YWHAZ: variants seen among roughly 807,000 people sequenced by gnomAD.
YWHAZ encodes 14-3-3 protein zeta/delta.
For synonymous variants in YWHAZ, 87 were observed against 103.6 expected, an observed-to-expected ratio of 0.84 and a Z score of 0.97; for missense variants, 79 against 284.8, an observed-to-expected ratio of 0.28 and a Z score of 5.20.
rs567011069 is a variant in YWHAZ, at chr8:100,931,718, G to A, written c.295-6679C>T. ...ATTCACAGCTCCCAACCGAGAGTAG[G>A]CATTCTACTCACTGGTTGCTCAGTT... On this transcript the variant is annotated intron_variant, in intron 2 of 5. Coordinates refer to ENST00000395958, the MANE Select transcript of YWHAZ (RefSeq NM_145690.3). Among the ~76,000 whole-genome samples, 3 of 152,076 alleles carry A rather than the reference G, an allele frequency of 2.0e-5. No homozygotes were observed. In the South Asian group the frequency reaches 6.2e-4, roughly 32 times the overall value.
chr8:100,937,689 TGAAG>T (rs1814255367), intron 2 of YWHAZ, among the ~76,000 whole-genome samples: 1 of 152,060 alleles, frequency 6.6e-6, no homozygotes, highest in Non-Finnish European at 1.5e-5. Flanking sequence ...AAACAACAAA[TGAAG>T]AGAGAGACAT....
At chr8:100,949,682 T>C (rs983583) in intron 1 of YWHAZ, among the ~76,000 whole-genome samples, 99,757 of 152,062 alleles carry the variant, frequency 0.66, 33,265 homozygotes, top group African/African-American at 0.79. Context: ...ACTTAATTTA[T>C]AAGTGTTTCC....
Position 100,948,707 on chromosome 8 carries a change from G to A in YWHAZ, c.183C>T (p.Val61=), listed in dbSNP as rs1321598530. ...VVGARRSSWR[V]VSSIEQKTEG... ...CCGTCTTTTGTTCAATACTTGAGAC[G>A]ACCCTCCAAGATGACCTACGGGCTC... The change falls in exon 2 of 6, where the codon GTC becomes GTT. Residue 61 remains valine (V), a synonymous_variant. Transcript: ENST00000395958. This position sits in a 1 kb window ranked among gnomAD's most constrained non-coding sequence, Gnocchi z 4.2. 2 of 1,601,406 alleles carry A rather than the reference G, an allele frequency of 1.2e-6. No individual in the cohort carries two copies. Among genetic ancestry groups the A allele is most frequent in the South Asian group, 1.1e-5 (1 of 90,968 alleles).
intron 2 of YWHAZ, chr8:100,935,191 CACAT>C (rs1412938905): frequency 1.3e-5 from 2 of 152,136 alleles, no homozygotes; most frequent in Admixed American, 1.3e-4. Flanking sequence ...ACTTTTCACA[CACAT>C]ATATACTCTT....
At chr8:100,938,523 T>A (rs1814363598) in intron 2 of YWHAZ, among the ~76,000 whole-genome samples, 1 of 152,228 alleles carries the variant, frequency 6.6e-6, no homozygotes, top group Non-Finnish European at 1.5e-5. Flanking sequence ...AATGTCATTT[T>A]AATAACATCC....
At chr8:100,947,417 CA>C (rs899419517) in intron 2 of YWHAZ, among the ~76,000 whole-genome samples, 1 of 151,908 alleles carries the variant, frequency 6.6e-6, no homozygotes, top group African/African-American at 2.4e-5. Context: ...AAGCAAAGAA[CA>C]AAAAAATGCC....
At chr8:100,951,420 G>A in intron 1 of YWHAZ, 1 of 981,618 alleles carries the variant, frequency 1.0e-6, no homozygotes, top group East Asian at 1.1e-4. Flanking sequence ...GGGAAAGGAG[G>A]GGGCGGCCGA....
At chr8:100,928,856 T>A (rs986752905) in intron 2 of YWHAZ, among the ~76,000 whole-genome samples, 1 of 151,766 alleles carries the variant, frequency 6.6e-6, no homozygotes, top group Non-Finnish European at 1.5e-5. Context: ...ACTGTCAGGA[T>A]AATGGAAAGA....
intron 2 of YWHAZ, among the ~76,000 whole-genome samples, chr8:100,943,903 C>T (rs981688423): frequency 1.3e-5 from 2 of 148,550 alleles, no homozygotes; most frequent in Non-Finnish European, 3.0e-5. Context: ...AGGAGAATGG[C>T]GTGAGCCCGG....
rs1189592281 is a variant in YWHAZ at position 100,925,006 on chromosome 8, A to G, written c.328T>C (p.Ser110Pro). The stretch of plus-strand genomic sequence containing the variant: ...TAGAAGACTTTGCTCTCTGCTTGTG[A>G]AGCATTGGGGATCAAGAACTTTTCC... ...LLEKFLIPNASQAESKVFYLK... is the reference protein window; with the variant it reads ...LLEKFLIPNAPQAESKVFYLK... Residue 110 changes from serine (S) to proline (P), a missense_variant, in exon 3 of 6, where the codon TCA (serine) becomes CCA (proline). Ser to Pro is a moderately conservative substitution (Grantham distance 74). Transcript: ENST00000395958. 6.2e-7 allele frequency: 1 copy of G among 1,613,906 alleles called. No homozygotes were observed.
At chr8:100,947,574 C>T (rs1372311111) in intron 2 of YWHAZ, among the ~76,000 whole-genome samples, 1 of 152,112 alleles carries the variant, frequency 6.6e-6, no homozygotes, top group African/African-American at 2.4e-5. Flanking sequence ...TTAGTAAATA[C>T]AAATGTAAAG....
Position 100,948,122 on chromosome 8 carries a change from G to T in YWHAZ, c.294+474C>A, listed in dbSNP as rs1810443983. Reference sequence around the variant, plus strand: ...AAGAGGTTTCATAGTTGTGACGCCAGAGTTTTCTGCATGGTTGACTCATTA... The same window carrying T: ...AAGAGGTTTCATAGTTGTGACGCCATAGTTTTCTGCATGGTTGACTCATTA... On this transcript the variant is annotated intron_variant, in intron 2 of 5. Coordinates refer to ENST00000395958, the MANE Select transcript of YWHAZ (RefSeq NM_145690.3). The surrounding 1 kb of genome is among the most constrained non-coding windows in gnomAD (Gnocchi z 4.2). 6.5e-7 allele frequency: 1 copy of T among 1,534,676 alleles called. No homozygotes were observed. The highest frequency in any genetic ancestry group is 8.7e-7 in the Non-Finnish European group (1 of 1,146,534).
chr8:100,929,983 T>TAA (rs1007211445), intron 2 of YWHAZ, among the ~76,000 whole-genome samples: 1 of 152,170 alleles, frequency 6.6e-6, no homozygotes, highest in Non-Finnish European at 1.5e-5. Flanking sequence ...ATAAACCTCC[T>TAA]AAATTTCGTT....
In YWHAZ at chr8:100,916,678, C is replaced by T. The variant is rs950859871; in HGVS notation, c.*4015G>A. 6.6e-6 allele frequency: 1 copy of T among 152,234 alleles called. No individual in the cohort carries two copies. Among genetic ancestry groups the T allele is most frequent in the African/African-American group, 2.4e-5 (1 of 41,464 alleles). 9.4% of individuals were successfully genotyped at this position (152,234 alleles called of 1,614,324 possible). ...GAACTCAAATATGATCAAATATTCA[C>T]ATCTCTGGTATCACCTAGGATTGGC... On this transcript the variant is annotated 3_prime_UTR_variant, in exon 6 of 6. Transcript: ENST00000395958.
In YWHAZ at chr8:100,918,408, T is replaced by TTATTTATATATA. The variant is rs1554611373; in HGVS notation, c.*2284_*2285insTATATATAAATA. On this transcript the variant is annotated 3_prime_UTR_variant, in exon 6 of 6. Coordinates refer to ENST00000395958, the MANE Select transcript of YWHAZ (RefSeq NM_145690.3). ...AGTCTAGCTATAAAATATAATTACT[T>TTATTTATATATA]TATATATATATATATATATATATAT... 9.6e-5 allele frequency: 4 copies of TTATTTATATATA among 41,882 alleles called. No individual in the cohort carries two copies. Among genetic ancestry groups the TTATTTATATATA allele is most frequent in the African/African-American group, 2.8e-4 (4 of 14,100 alleles). 2.6% of individuals were successfully genotyped at this position (41,882 alleles called of 1,614,324 possible). A position where few individuals can be genotyped will look rare whatever the true frequency, so the allele number is the denominator to read the frequency against.
At chr8:100,932,607 ATT>A (rs1319395610) in intron 2 of YWHAZ, among the ~76,000 whole-genome samples, 2 of 152,192 alleles carry the variant, frequency 1.3e-5, no homozygotes, top group Non-Finnish European at 2.9e-5. Context: ...CAAAAATATC[ATT>A]TTCCCTTAAA....
At position 100,924,512 on chromosome 8, in the gene YWHAZ, A is replaced by G. The variant is rs1813228955; in HGVS notation, c.419-214T>C. ...AATGTCAAGATAAAACAACTTTATA[A>G]TCTCATTATTGTTATGTTTTTAAAA... On this transcript the variant is annotated intron_variant, in intron 3 of 5. Coordinates refer to ENST00000395958, the MANE Select transcript of YWHAZ (RefSeq NM_145690.3). This position sits in a 1 kb window ranked among gnomAD's most constrained non-coding sequence, Gnocchi z 5.7. Among the ~76,000 whole-genome samples the G allele has an allele frequency of 6.6e-6, 1 of 151,938 alleles. No individual in the cohort carries two copies. The highest frequency in any genetic ancestry group is 2.1e-4 in the South Asian group (1 of 4,828).
intron 1 of YWHAZ, 64 bp downstream of exon 1, chr8:100,951,865 C>T (rs1586172731): frequency 2.0e-6 from 2 of 989,008 alleles, no homozygotes; most frequent in South Asian, 8.9e-5. Context: ...GAGGACGGCT[C>T]CCACGCGTTC....
intron 2 of YWHAZ, among the ~76,000 whole-genome samples, chr8:100,938,207 C>T (rs750659688): frequency 3.9e-5 from 6 of 152,180 alleles, no homozygotes; most frequent in Admixed American, 6.6e-5. Flanking sequence ...CCTCATCCCC[C>T]CCTACAAACC....
Sources: allele counts gnomAD v4.1 joint callset (sites outside exome capture counted in the v4.1 genomes callset), GRCh38; gene constraint gnomAD v4.1.1; non-coding constraint Gnocchi (gnomAD v3.1); transcripts MANE v1.5; gene names NCBI Gene and HGNC (gene_info 2026-07-23, HGNC 2026-07-21).